Variants in MYH10 observed in about 807,000 individuals in gnomAD.
The protein encoded by MYH10 is myosin-10.
In MYH10, 55 loss-of-function variants were observed where a neutral mutation model predicts 257.8. That is an observed-to-expected ratio of 0.21 (90% confidence interval 0.17 to 0.27). MYH10 has a LOEUF of 0.27. Among genes scored for constraint, MYH10 ranks in the 10% least tolerant of loss-of-function variants. The pLI, the probability that MYH10 is intolerant of heterozygous loss-of-function variation, is 1.00. For synonymous variants in MYH10, 854 were observed against 921.7 expected, an observed-to-expected ratio of 0.93 and a Z score of 1.33; for missense variants, 1,631 against 2,500.6, an observed-to-expected ratio of 0.65 and a Z score of 7.42.
intron 3 of MYH10, among the ~76,000 whole-genome samples, chr17:8,591,088 G>A (rs1555611890): frequency 6.6e-6 from 1 of 151,854 alleles, no homozygotes; most frequent in Non-Finnish European, 1.5e-5. Context: ...TAGCCAGGAT[G>A]GTCTCGATCT....
At chr17:8,612,105 G>C (rs901620384) in intron 2 of MYH10, among the ~76,000 whole-genome samples, 1 of 152,184 alleles carries the variant, frequency 6.6e-6, no homozygotes, top group South Asian at 2.1e-4. Flanking sequence ...TGCACAGACC[G>C]TGAATTATCC....
chr17:8,534,050 T>C (rs1337786837), intron 16 of MYH10, among the ~76,000 whole-genome samples: 3 of 152,146 alleles, frequency 2.0e-5, no homozygotes, highest in Non-Finnish European at 4.4e-5. Context: ...CAGAGGTCTT[T>C]TTCTGTTCTC....
intron 7 of MYH10, among the ~76,000 whole-genome samples, chr17:8,558,293 A>G (rs1349284652): frequency 6.6e-6 from 1 of 152,212 alleles, no homozygotes. Context: ...TGCTTTTTCA[A>G]CATCTGAAGA....
intron 3 of MYH10, among the ~76,000 whole-genome samples, chr17:8,591,410 C>T (rs2084133904): frequency 6.6e-6 from 1 of 152,250 alleles, no homozygotes; most frequent in Admixed American, 6.5e-5. Flanking sequence ...CTAGCTCTGC[C>T]ACAAACTGTG....
At chr17:8,621,161 T>A (rs1334822818) in intron 2 of MYH10, among the ~76,000 whole-genome samples, 1 of 152,184 alleles carries the variant, frequency 6.6e-6, no homozygotes, top group African/African-American at 2.4e-5. Flanking sequence ...ACTGCACAGT[T>A]TTTGATGGTG....
At chr17:8,495,794 T>C (rs992163784) in intron 30 of MYH10, among the ~76,000 whole-genome samples, 2 of 151,970 alleles carry the variant, frequency 1.3e-5, no homozygotes, top group African/African-American at 4.8e-5. Context: ...ACTGCAACCT[T>C]TGCCTCCTGG....
At chr17:8,579,461 T>C (rs2083623586) in intron 4 of MYH10, among the ~76,000 whole-genome samples, 1 of 152,166 alleles carries the variant, frequency 6.6e-6, no homozygotes, top group Non-Finnish European at 1.5e-5. Context: ...AAAGAAATTT[T>C]CTTCTCTGGG....
At chr17:8,511,067 TAC>T (rs1567823797) in intron 24 of MYH10, 21 of 51,552 alleles carry the variant, frequency 4.1e-4, no homozygotes, top group African/African-American at 2.0e-3. Context: ...TATACACACA[TAC>T]ATACATACAC....
intron 7 of MYH10, 160 bp from the exon 8 acceptor site, chr17:8,554,178 A>G: frequency 2.2e-6 from 1 of 456,314 alleles, no homozygotes; most frequent in East Asian, 3.6e-5. Flanking sequence ...ACAGGCTGTG[A>G]TACATTTCAA....
Position 8,476,896 on chromosome 17 carries a change from G to C in MYH10, c.5859C>G (p.Ser1953Arg). 1 of 1,610,840 alleles carries C rather than the reference G, an allele frequency of 6.2e-7. No homozygotes were observed. Among genetic ancestry groups the C allele is most frequent in the Non-Finnish European group, 8.5e-7 (1 of 1,179,938 alleles). Residue 1953 changes from serine (S) to arginine (R), a missense_variant, in exon 42 of 43, where the codon AGC (serine) becomes AGG (arginine). Around this residue, in one of 11 missense-constraint regions of MYH10, gnomAD observed 343 missense variants for 389.5 expected, o/e 0.88. Transcript: ENST00000360416. Reference sequence around the variant, plus strand: ...CTCACCTCAGCCGGTTCTTCAGGGTGCTGACCTCGCGGCTCAGGCCCTCGT... The same window carrying C: ...CTCACCTCAGCCGGTTCTTCAGGGTCCTGACCTCGCGGCTCAGGCCCTCGT... The part of the protein sequence containing the change: ...EANEGLSREV[S>R]TLKNRLRRGG...
At chr17:8,536,798 C>CAG (rs1555593034) in intron 14 of MYH10, among the ~76,000 whole-genome samples, 1 of 117,844 alleles carries the variant, frequency 8.5e-6, no homozygotes, top group Non-Finnish European at 1.8e-5. Context: ...GACTCTGTCT[C>CAG]AAAAAAAAAA....
intron 4 of MYH10, among the ~76,000 whole-genome samples, chr17:8,581,773 A>C (rs1305349771): frequency 6.6e-6 from 1 of 152,164 alleles, no homozygotes; most frequent in Non-Finnish European, 1.5e-5. Flanking sequence ...ATTATTGTCC[A>C]CTCATATATT....
chr17:8,481,375 G>T lies in MYH10; in HGVS notation c.5211C>A (p.Ala1737=), dbSNP rs375872840. ...LASSERARRH[A]EQERDELADE... ...CCGCCAGCTCATCTCTCTCCTGCTCGGCGTGTCGGCGGGCTCGCTCAGATG... is the reference window on the plus strand; with the variant it reads ...CCGCCAGCTCATCTCTCTCCTGCTCTGCGTGTCGGCGGGCTCGCTCAGATG... The change falls in exon 38 of 43, where the codon GCC becomes GCA. Residue 1737 remains alanine (A), a synonymous_variant. Coordinates refer to ENST00000360416, the MANE Select transcript of MYH10 (RefSeq NM_001256012.3). 6 of 1,614,066 alleles carry T rather than the reference G, an allele frequency of 3.7e-6. No homozygotes were observed. The South Asian group carries it at 5.5e-5, about 15-fold the overall frequency.
chr17:8,508,178 C>T (rs1330951531), intron 26 of MYH10, among the ~76,000 whole-genome samples: 9 of 152,148 alleles, frequency 5.9e-5, no homozygotes, highest in Admixed American at 5.9e-4. Context: ...ACGATCACAG[C>T]TCACTCTGGT....
At chr17:8,532,986 T>C (rs891871731) in intron 16 of MYH10, among the ~76,000 whole-genome samples, 1 of 152,222 alleles carries the variant, frequency 6.6e-6, no homozygotes, top group African/African-American at 2.4e-5. Context: ...ATGCTTATAA[T>C]GTCAGTAGTC....
chr17:8,572,301 T>C (rs780459062), intron 6 of MYH10, among the ~76,000 whole-genome samples: 1 of 151,910 alleles, frequency 6.6e-6, no homozygotes, highest in Non-Finnish European at 1.5e-5. Context: ...CCACTGATTC[T>C]ATTCTTCTTG....
At chr17:8,604,097 C>T (rs1046151624) in intron 3 of MYH10, among the ~76,000 whole-genome samples, 2 of 152,060 alleles carry the variant, frequency 1.3e-5, no homozygotes, top group African/African-American at 4.8e-5. Context: ...TTTATAAGAA[C>T]CTTATGCTTT....
chr17:8,487,701 T>A, intron 35 of MYH10, 107 bp from the exon 36 acceptor site: 1 of 1,277,884 alleles, frequency 7.8e-7, no homozygotes, highest in South Asian at 1.3e-5. Context: ...GAGTGGAAAC[T>A]TCTGTTACTC....
chr17:8,600,635 G>A (rs1319601206), intron 3 of MYH10, among the ~76,000 whole-genome samples: 1 of 152,182 alleles, frequency 6.6e-6, no homozygotes, highest in East Asian at 1.9e-4. Context: ...AAGGCTTGAG[G>A]CAGAGAGGAA....
Sources: gnomAD v4.1 joint callset for allele counts (sites outside exome capture counted in the v4.1 genomes callset) on GRCh38, gnomAD v4.1.1 for gene constraint, gnomAD v4.1.1 regional missense constraint, MANE v1.5 for transcripts, NCBI Gene and HGNC (gene_info 2026-07-23, HGNC 2026-07-21) for gene names.